Variants in SRGAP3 observed in about 807,000 individuals in gnomAD.
SRGAP3 encodes the protein SLIT-ROBO Rho GTPase activating protein 3, also known as SLIT-ROBO Rho GTPase-activating protein 3.
SRGAP3 carries 39 observed loss-of-function variants against 121.1 expected under a neutral mutation model. The ratio of observed to expected loss-of-function variants is 0.32; its 90% CI spans 0.25 to 0.42. The LOEUF (loss-of-function observed/expected upper bound fraction) is 0.42. Ranked by LOEUF, SRGAP3 falls within the 10% of genes least tolerant of loss-of-function variation. SRGAP3 has a pLI of 1.00. For synonymous variants in SRGAP3, 601 were observed against 570.0 expected (o/e 1.05, Z -0.77); for missense variants, 1,213 against 1,470.6 (o/e 0.82, Z 2.86).
rs1948546822 is a variant in SRGAP3 at position 9,109,706 on chromosome 3, GC to G, written c.261-4865del. ...GAAGGAGGCTATGGAGCAGAGAGGA[GC>G]CTCCTTCCCCAGATCTGGTGGTGAG... On this transcript the variant is annotated intron_variant, in intron 2 of 21. Transcript: ENST00000383836. This position sits in a 1 kb window ranked among gnomAD's most constrained non-coding sequence, Gnocchi z 4.4. Among the ~76,000 whole-genome samples the G allele has an allele frequency of 6.6e-6, 1 of 152,172 alleles. No individual in the cohort carries two copies. The highest frequency in any genetic ancestry group is 2.4e-5 in the African/African-American group (1 of 41,450).
intron 3 of SRGAP3, among the ~76,000 whole-genome samples, chr3:9,100,686 G>A (rs1330173436): frequency 6.6e-6 from 1 of 152,212 alleles, no homozygotes; most frequent in Non-Finnish European, 1.5e-5. Context: ...ACTTTTTGCT[G>A]ACTGAGAGTT....
At chr3:9,099,959 C>T (rs910523610) in intron 3 of SRGAP3, among the ~76,000 whole-genome samples, 5 of 152,184 alleles carry the variant, frequency 3.3e-5, no homozygotes, top group Non-Finnish European at 7.3e-5. Context: ...GCAGAGACAG[C>T]GTGCCTAGGC....
chr3:9,360,155 T>C (rs1330103786), intron 1 of SRGAP3, among the ~76,000 whole-genome samples: 2 of 152,182 alleles, frequency 1.3e-5, no homozygotes, highest in Non-Finnish European at 2.9e-5. Flanking sequence ...TCTCAAACTC[T>C]TGGGCTCAAG....
Position 9,015,634 on chromosome 3 carries a change from A to T in SRGAP3, c.1776T>A (p.Phe592Leu), listed in dbSNP as rs370230048. The change falls in exon 15 of 22, where the codon TTT becomes TTA. Residue 592 changes from phenylalanine (F) to leucine (L), a missense_variant. Coordinates refer to ENST00000383836, the MANE Select transcript of SRGAP3 (RefSeq NM_014850.4). ...TCAAATCTTGAAACCTTTCCTTAGG[A>T]AAGAGTGGGTTTTCCAGTCCTCGGA... is the stretch of plus-strand genomic sequence containing the variant. ...LYFRGLENPLFPKERFQDLIS... is the reference protein window; with the variant it reads ...LYFRGLENPLLPKERFQDLIS... 4 of 1,614,076 alleles carry T rather than the reference A, an allele frequency of 2.5e-6. No homozygotes were observed. The highest frequency in any genetic ancestry group is 1.1e-5 in the South Asian group (1 of 91,090).
chr3:9,017,214 C>T (rs1321000114), intron 14 of SRGAP3, among the ~76,000 whole-genome samples: 1 of 152,158 alleles, frequency 6.6e-6, no homozygotes, highest in Admixed American at 6.5e-5. Context: ...CAGATCCTTT[C>T]AGTGGATAGA....
intron 1 of SRGAP3, among the ~76,000 whole-genome samples, chr3:9,133,485 A>G (rs1217885427): frequency 6.6e-6 from 1 of 152,214 alleles, no homozygotes; most frequent in East Asian, 1.9e-4. Context: ...CTCTATCTAA[A>G]AAAAAGTAAT....
rs1237642257 is a variant in SRGAP3, at chr3:8,990,610, C to A, written c.2788G>T (p.Ala930Ser). ...AGSINYPDKK[A>S]LSEGHSMRST... ...CTCATCGAGTGCCCTTCGGAGAGCG[C>A]CTTCTTGTCAGGGTAGTTGATGCTG... The change falls in exon 21 of 22, where the codon GCG becomes TCG. Residue 930 changes from alanine (A) to serine (S), a missense_variant. Physicochemically the swap from Ala to Ser is moderately conservative, Grantham distance 99. Transcript: ENST00000383836. 6.2e-7 allele frequency: 1 copy of A among 1,611,996 alleles called. No homozygotes were observed. Among genetic ancestry groups the A allele is most frequent in the African/African-American group, 1.3e-5 (1 of 74,922 alleles).
At chr3:9,262,103 C>A (rs1160317373) in intron 3 of SRGAP3, among the ~76,000 whole-genome samples, 2 of 152,040 alleles carry the variant, frequency 1.3e-5, no homozygotes, top group African/African-American at 2.4e-5. Context: ...TCATATCCAG[C>A]CAAACTAAGC....
At chr3:9,075,572 C>T (rs1465967115) in intron 4 of SRGAP3, among the ~76,000 whole-genome samples, 2 of 152,130 alleles carry the variant, frequency 1.3e-5, no homozygotes, top group East Asian at 1.9e-4. Context: ...TCCTTCCTAG[C>T]CCCAGATAGA....
At chr3:9,140,095 A>G (rs1014993509) in intron 1 of SRGAP3, among the ~76,000 whole-genome samples, 1 of 151,588 alleles carries the variant, frequency 6.6e-6, no homozygotes. Context: ...ATGAAATGGA[A>G]TAATTCTCCT....
chr3:9,060,705 T>C (rs533249043), intron 5 of SRGAP3, among the ~76,000 whole-genome samples: 65 of 152,106 alleles, frequency 4.3e-4, no homozygotes, highest in South Asian at 8.3e-4. Flanking sequence ...CTCCCAAGTG[T>C]TGGGATTATA....
intron 5 of SRGAP3, among the ~76,000 whole-genome samples, chr3:9,061,902 T>C (rs377048495): frequency 6.6e-5 from 10 of 152,356 alleles, no homozygotes; most frequent in East Asian, 3.9e-4. Flanking sequence ...CCTTTCAGAC[T>C]GATGAGTCCC....
intron 4 of SRGAP3, 84 bp downstream of exon 4, chr3:9,079,941 G>A: frequency 1.3e-6 from 2 of 1,490,926 alleles, no homozygotes; most frequent in South Asian, 1.2e-5. Context: ...GGTCATTCCA[G>A]ACCTCTGTTT....
chr3:8,993,081 G>A (rs531817371), intron 19 of SRGAP3, 26 bp from the exon 20 acceptor site: 7 of 1,613,124 alleles, frequency 4.3e-6, no homozygotes, highest in African/African-American at 2.7e-5. Context: ...ACATGAATTG[G>A]AGGCACCTTC....
chr3:9,256,028 AC>A (rs1231487762), intron 3 of SRGAP3, among the ~76,000 whole-genome samples: 1 of 151,812 alleles, frequency 6.6e-6, no homozygotes, highest in Non-Finnish European at 1.5e-5. Context: ...TCTCCCATCC[AC>A]CCAGGTACCA....
intron 1 of SRGAP3, among the ~76,000 whole-genome samples, chr3:9,154,118 T>C (rs1479579198): frequency 6.6e-6 from 1 of 152,122 alleles, no homozygotes; most frequent in African/African-American, 2.4e-5. Flanking sequence ...ATTACCCCAC[T>C]GCAGCCCCGC....
At chr3:9,311,195 C>T (rs567644616) in intron 3 of SRGAP3, among the ~76,000 whole-genome samples, 2 of 151,844 alleles carry the variant, frequency 1.3e-5, no homozygotes, top group African/African-American at 4.8e-5. Flanking sequence ...ATACATACAC[C>T]GACACTTCCA....
chr3:9,016,769 C>T (rs56184524), intron 14 of SRGAP3, among the ~76,000 whole-genome samples: 28,211 of 152,104 alleles, frequency 0.19, 3,041 homozygotes, highest in Non-Finnish European at 0.24. Context: ...GGTTGCAAAA[C>T]GGTGACTTTC....
intron 1 of SRGAP3, among the ~76,000 whole-genome samples, chr3:9,185,932 C>T (rs1951582701): frequency 6.6e-6 from 1 of 152,110 alleles, no homozygotes; most frequent in Admixed American, 6.6e-5. Context: ...CAAATGCTCC[C>T]AGGAGGATTC....
Sources: allele counts gnomAD v4.1 joint callset (sites outside exome capture counted in the v4.1 genomes callset), GRCh38; gene constraint gnomAD v4.1.1; non-coding constraint Gnocchi (gnomAD v3.1); transcripts MANE v1.5; gene names NCBI Gene and HGNC (gene_info 2026-07-23, HGNC 2026-07-21).